The following TFDP2 variants were observed in gnomAD, a reference collection of about 807,000 sequenced individuals.
The protein encoded by TFDP2 is transcription factor Dp-2 (E2F dimerization partner 2).
In TFDP2, 17 loss-of-function variants were observed where a neutral mutation model predicts 59.3. That is an observed-to-expected ratio of 0.29 (90% confidence interval 0.20 to 0.43). TFDP2 has a LOEUF of 0.43. Among genes scored for constraint, TFDP2 ranks in the 20% least tolerant of loss-of-function variants. The pLI, the probability that TFDP2 is intolerant of heterozygous loss-of-function variation, is 1.00. For synonymous variants in TFDP2, 180 were observed against 194.7 expected, an observed-to-expected ratio of 0.92 and a Z score of 0.63; for missense variants, 391 against 528.8, an observed-to-expected ratio of 0.74 and a Z score of 2.56.
chr3:141,999,159 G>A (rs530468157), intron 4 of TFDP2, among the ~76,000 whole-genome samples: 7 of 151,998 alleles, frequency 4.6e-5, no homozygotes, highest in African/African-American at 9.7e-5. Flanking sequence ...TTTCTCCTCC[G>A]CAGCCTGCTC....
intron 4 of TFDP2, among the ~76,000 whole-genome samples, chr3:142,002,902 C>T (rs1943914347): frequency 1.3e-5 from 2 of 152,124 alleles, no homozygotes; most frequent in South Asian, 4.2e-4. Flanking sequence ...AGGATCAAGA[C>T]ACCAGCAAAT....
chr3:142,046,139 GA>G (rs762745599), intron 3 of TFDP2, among the ~76,000 whole-genome samples: 21 of 152,140 alleles, frequency 1.4e-4, no homozygotes, highest in Non-Finnish European at 2.5e-4. Flanking sequence ...CTATGGCGCT[GA>G]TAAACTAAGG....
intron 3 of TFDP2, among the ~76,000 whole-genome samples, chr3:142,046,113 G>C (rs901912056): frequency 6.6e-6 from 1 of 152,072 alleles, no homozygotes; most frequent in African/African-American, 2.4e-5. Context: ...ATCTAATGTA[G>C]GGATCCCCTG....
At chr3:141,971,430 T>G (rs1194480966) in intron 8 of TFDP2, among the ~76,000 whole-genome samples, 3 of 145,714 alleles carry the variant, frequency 2.1e-5, no homozygotes, top group Non-Finnish European at 4.5e-5. Context: ...GCGCCTGTAA[T>G]CCCAGCTACT....
intron 3 of TFDP2, among the ~76,000 whole-genome samples, chr3:142,091,534 C>G (rs551453301): frequency 6.6e-6 from 1 of 151,812 alleles, no homozygotes; most frequent in African/African-American, 2.4e-5. Flanking sequence ...CCACTGCACT[C>G]CAGCCTGGGC....
intron 1 of TFDP2, among the ~76,000 whole-genome samples, chr3:142,144,324 A>C (rs1426344684): frequency 6.6e-6 from 1 of 151,660 alleles, no homozygotes; most frequent in Non-Finnish European, 1.5e-5. Flanking sequence ...CAGTGAGCCG[A>C]GATTGCACCA....
chr3:141,989,342 C>T (rs1490265343), intron 6 of TFDP2: 3 of 152,234 alleles, frequency 2.0e-5, no homozygotes, highest in Non-Finnish European at 4.4e-5. Flanking sequence ...ACAAGCTTAA[C>T]TTCAGGTTGT....
intron 1 of TFDP2, among the ~76,000 whole-genome samples, chr3:142,130,355 T>C (rs1413473337): frequency 6.6e-6 from 1 of 152,078 alleles, no homozygotes; most frequent in Non-Finnish European, 1.5e-5. Flanking sequence ...ACAAATATTG[T>C]ATGATTCCCC....
Position 141,995,161 on chromosome 3 carries a change from G to A in TFDP2, c.187-20C>T. The A allele has an allele frequency of 6.5e-7, 1 of 1,544,808 alleles. No homozygotes were observed. The highest frequency in any genetic ancestry group is 8.7e-7 in the Non-Finnish European group (1 of 1,146,838). On this transcript the variant is annotated intron_variant, in intron 4 of 12. Transcript: ENST00000489671. ...TATAATCTGTAAAGTTAGGAACAAAGAATATAATATTCTTAATTATTAAGA... is the reference window on the plus strand; with the variant it reads ...TATAATCTGTAAAGTTAGGAACAAAAAATATAATATTCTTAATTATTAAGA...
chr3:141,990,793 C>T (rs1942681002), intron 6 of TFDP2, among the ~76,000 whole-genome samples: 1 of 152,182 alleles, frequency 6.6e-6, no homozygotes, highest in Non-Finnish European at 1.5e-5. Context: ...CACGGTGGCT[C>T]ATGCCTGTAA....
intron 1 of TFDP2, among the ~76,000 whole-genome samples, chr3:142,124,443 C>A (rs770686605): frequency 1.9e-4 from 29 of 152,104 alleles, no homozygotes; most frequent in Non-Finnish European, 3.1e-4. Context: ...ATTTAGCTGA[C>A]ACTTCAAATC....
intron 1 of TFDP2, among the ~76,000 whole-genome samples, chr3:142,104,811 T>A (rs940476335): frequency 6.6e-6 from 1 of 151,872 alleles, no homozygotes; most frequent in Non-Finnish European, 1.5e-5. Flanking sequence ...CTCAAAGAAA[T>A]ATGAAAAGAA....
chr3:141,949,745 G>A lies in TFDP2; in HGVS notation c.*2768C>T, dbSNP rs1247002570. On this transcript the variant is annotated 3_prime_UTR_variant, in exon 13 of 13. Coordinates refer to ENST00000489671, the MANE Select transcript of TFDP2 (RefSeq NM_001178139.2). Reference sequence around the variant, plus strand: ...CAGCCCTGGGAGGAGTGATCTGTGTGTGGCAAGTAACCCAGCGTGCCACTA... The same window carrying A: ...CAGCCCTGGGAGGAGTGATCTGTGTATGGCAAGTAACCCAGCGTGCCACTA... 6.6e-6 allele frequency: 1 copy of A among 151,906 alleles called. No homozygotes were observed. The highest frequency in any genetic ancestry group is 1.9e-4 in the East Asian group (1 of 5,202). 9.4% of individuals were successfully genotyped at this position (151,906 alleles called of 1,614,324 possible). A position where few individuals can be genotyped will look rare whatever the true frequency, so the allele number is the denominator to read the frequency against.
Position 142,121,169 on chromosome 3 carries a change from T to A in TFDP2, c.-92-19328A>T, listed in dbSNP as rs2062032331. ...TGAATTTTTAAAAAGTCAGAAGTTTTAACCAGCAACTGAGGGGTGATGGGG... is the reference window on the plus strand; with the variant it reads ...TGAATTTTTAAAAAGTCAGAAGTTTAAACCAGCAACTGAGGGGTGATGGGG... On this transcript the variant is annotated intron_variant, in intron 1 of 12. Transcript: ENST00000489671. The surrounding 1 kb of genome is among the most constrained non-coding windows in gnomAD (Gnocchi z 4.3). Among the ~76,000 whole-genome samples, 1 of 152,170 alleles carries A rather than the reference T, an allele frequency of 6.6e-6. No homozygotes were observed. Among genetic ancestry groups the A allele is most frequent in the South Asian group, 2.1e-4 (1 of 4,826 alleles).
chr3:142,005,555 A>G lies in TFDP2; in HGVS notation c.83-11T>C. On this transcript the variant is annotated splice_polypyrimidine_tract_variant and intron_variant, in intron 3 of 12. Coordinates refer to ENST00000489671, the MANE Select transcript of TFDP2 (RefSeq NM_001178139.2). Reference sequence around the variant, plus strand: ...CAAATGAAATGTTGCCTGAAATGATATCAAAACATTAAGTTAGTATTCTGC... The same window carrying G: ...CAAATGAAATGTTGCCTGAAATGATGTCAAAACATTAAGTTAGTATTCTGC... 1.9e-6 allele frequency: 3 copies of G among 1,565,334 alleles called. No individual in the cohort carries two copies. Among genetic ancestry groups the G allele is most frequent in the Non-Finnish European group, 2.6e-6 (3 of 1,149,146 alleles).
intron 3 of TFDP2, among the ~76,000 whole-genome samples, chr3:142,075,498 T>C (rs540642148): frequency 1.3e-5 from 2 of 152,262 alleles, no homozygotes; most frequent in South Asian, 4.2e-4. Context: ...CTAGTGCCTG[T>C]CCTCTGACTG....
chr3:141,994,908 A>G, intron 5 of TFDP2, 112 bp downstream of exon 5: 1 of 912,628 alleles, frequency 1.1e-6, no homozygotes, highest in Non-Finnish European at 1.6e-6. Flanking sequence ...TTAAAGGAAA[A>G]ACATTTGTTT....
intron 6 of TFDP2, among the ~76,000 whole-genome samples, chr3:141,981,278 T>C (rs1187847921): frequency 1.3e-5 from 2 of 152,330 alleles, no homozygotes; most frequent in South Asian, 2.1e-4. Context: ...CTCGGGGCAA[T>C]AGGCTATACC....
At chr3:141,963,112 C>CA (rs1172496976) in intron 10 of TFDP2, among the ~76,000 whole-genome samples, 1 of 151,668 alleles carries the variant, frequency 6.6e-6, no homozygotes, top group Non-Finnish European at 1.5e-5. Context: ...GGATCCGTCT[C>CA]ACTCTGCACC....
Sources: gnomAD v4.1 joint callset for allele counts (sites outside exome capture counted in the v4.1 genomes callset) on GRCh38, gnomAD v4.1.1 for gene constraint, Gnocchi (gnomAD v3.1) non-coding constraint, MANE v1.5 for transcripts, NCBI Gene and HGNC (gene_info 2026-07-23, HGNC 2026-07-21) for gene names.